The following PDE4D variants were observed in gnomAD, a reference collection of about 807,000 sequenced individuals.
The protein encoded by PDE4D is phosphodiesterase 4D, also known as 3',5'-cyclic-AMP phosphodiesterase 4D.
Under a neutral mutation model 87.4 loss-of-function variants are expected in PDE4D, and 24 were observed. The ratio of observed to expected loss-of-function variants is 0.27; its 90% CI spans 0.20 to 0.39. PDE4D has a LOEUF of 0.39. Ranked by LOEUF, PDE4D falls within the 10% of genes least tolerant of loss-of-function variation. The pLI is 1.00. For synonymous variants in PDE4D, 384 were observed against 383.2 expected (o/e 1.00, Z -0.02); for missense variants, 714 against 1,041.0 (o/e 0.69, Z 4.32).
At chr5:59,712,135 T>C (rs931593716) in intron 1 of PDE4D, among the ~76,000 whole-genome samples, 39 of 151,990 alleles carry the variant, frequency 2.6e-4, no homozygotes, top group African/African-American at 8.9e-4. Context: ...CGTTTTAGAG[T>C]ATATAAACTG....
intron 1 of PDE4D, among the ~76,000 whole-genome samples, chr5:59,547,113 T>C (rs536241135): frequency 6.6e-6 from 1 of 152,190 alleles, no homozygotes; most frequent in Non-Finnish European, 1.5e-5. Flanking sequence ...TTAATAAATA[T>C]ATTATCTAAT....
chr5:59,723,839 T>C (rs1451092616), intron 1 of PDE4D, among the ~76,000 whole-genome samples: 1 of 152,198 alleles, frequency 6.6e-6, no homozygotes, highest in Non-Finnish European at 1.5e-5. Context: ...AAGCCACTGG[T>C]TAACTTTTCT....
chr5:59,819,788 AGAG>A (rs1331325033), intron 1 of PDE4D, among the ~76,000 whole-genome samples: 1 of 152,176 alleles, frequency 6.6e-6, no homozygotes, highest in African/African-American at 2.4e-5. Flanking sequence ...ATTAAGTGGG[AGAG>A]GAGGTGGTAA....
chr5:60,265,672 A>C (rs549643868), intron 1 of PDE4D, among the ~76,000 whole-genome samples: 4 of 152,086 alleles, frequency 2.6e-5, no homozygotes, highest in Non-Finnish European at 4.4e-5. Context: ...GACTAGAAAA[A>C]ACCCTTTTTC....
At chr5:60,468,283 T>C (rs1747544560) in intron 1 of PDE4D, among the ~76,000 whole-genome samples, 1 of 143,546 alleles carries the variant, frequency 7.0e-6, no homozygotes, top group Non-Finnish European at 1.6e-5. Context: ...GAACCACAGG[T>C]GAGTGCCACC....
chr5:59,108,333 T>A (rs971838257), intron 5 of PDE4D, among the ~76,000 whole-genome samples: 4 of 152,198 alleles, frequency 2.6e-5, no homozygotes, highest in African/African-American at 9.6e-5. Flanking sequence ...TTCTTCTTTT[T>A]ACAAATAAAA....
intron 1 of PDE4D, among the ~76,000 whole-genome samples, chr5:60,316,869 T>C (rs970848044): frequency 6.6e-6 from 1 of 152,116 alleles, no homozygotes; most frequent in African/African-American, 2.4e-5. Flanking sequence ...GCTTTTGATG[T>C]GCTGCTGGAT....
intron 5 of PDE4D, among the ~76,000 whole-genome samples, chr5:59,117,595 T>G (rs1773814207): frequency 6.6e-6 from 1 of 152,202 alleles, no homozygotes; most frequent in South Asian, 2.1e-4. Context: ...CTCTTCTTCT[T>G]TGTAGTACTT....
At chr5:59,955,799 C>T (rs1161272361) in intron 3 of PDE4D, among the ~76,000 whole-genome samples, 1 of 152,108 alleles carries the variant, frequency 6.6e-6, no homozygotes, top group Non-Finnish European at 1.5e-5. Flanking sequence ...CTTCGGTCTT[C>T]TTTCAATCAG....
rs761015142 is a variant in PDE4D at position 59,277,785 on chromosome 5, G to GTC, written c.456-61819_456-61818dup. On this transcript the variant is annotated intron_variant, in intron 1 of 14. Coordinates refer to ENST00000340635, the MANE Select transcript of PDE4D (RefSeq NM_001104631.2). ...TTAGCCTGATGCTACTCCCTTCTCT[G>GTC]TCACACACACACAAGTTTAGTGCAG... Among the ~76,000 whole-genome samples, 26 of 152,156 alleles carry GTC rather than the reference G, an allele frequency of 1.7e-4. 1 individual carries two copies. Among genetic ancestry groups the GTC allele is most frequent in the Admixed American group, 6.6e-5 (1 of 15,258 alleles).
intron 1 of PDE4D, among the ~76,000 whole-genome samples, chr5:59,434,548 G>C (rs899005182): frequency 6.6e-6 from 1 of 151,940 alleles, no homozygotes; most frequent in African/African-American, 2.4e-5. Context: ...CAATGAATTG[G>C]CTTTAAATAT....
At chr5:59,320,307 T>C (rs897439983) in intron 1 of PDE4D, among the ~76,000 whole-genome samples, 11 of 152,066 alleles carry the variant, frequency 7.2e-5, no homozygotes, top group Non-Finnish European at 7.4e-5. Context: ...TAACTTAGAA[T>C]AGTGCCTGGC....
Position 60,068,453 on chromosome 5 carries a change from A to AT in PDE4D, c.43-79737dup, listed in dbSNP as rs774845938. ...ATTTATTTATTTTTCTCTCTCTTTT[A>AT]TTTTAACTAATAACCTGAAGGGGTT... On this transcript the variant is annotated intron_variant, in intron 2 of 16. Transcript: ENST00000502484. 4.6e-4 allele frequency among the ~76,000 whole-genome samples: 70 copies of AT among 151,150 alleles called. No individual in the cohort carries two copies. In the South Asian group the frequency reaches 9.4e-3, roughly 20 times the overall value.
At chr5:59,430,763 A>G (rs1364324820) in intron 1 of PDE4D, among the ~76,000 whole-genome samples, 1 of 152,092 alleles carries the variant, frequency 6.6e-6, no homozygotes, top group Admixed American at 6.6e-5. Flanking sequence ...GGTTTTATCC[A>G]TTTTTGTCTA....
At chr5:59,343,784 C>A (rs147347733) in intron 1 of PDE4D, among the ~76,000 whole-genome samples, 277 of 152,248 alleles carry the variant, frequency 1.8e-3, no homozygotes, top group African/African-American at 6.5e-3. Flanking sequence ...TTGTAATATA[C>A]AGTCCATACA....
At chr5:59,391,300 G>C (rs1788191657) in intron 1 of PDE4D, among the ~76,000 whole-genome samples, 1 of 152,110 alleles carries the variant, frequency 6.6e-6, no homozygotes, top group Non-Finnish European at 1.5e-5. Flanking sequence ...TCCTATGATA[G>C]AACAAATTAT....
At chr5:59,108,056 TG>T (rs1252007005) in intron 5 of PDE4D, among the ~76,000 whole-genome samples, 2 of 152,220 alleles carry the variant, frequency 1.3e-5, no homozygotes, top group African/African-American at 4.8e-5. Flanking sequence ...ACTGCCCGGC[TG>T]AGCCCAGCAC....
intron 5 of PDE4D, among the ~76,000 whole-genome samples, chr5:59,102,085 T>C (rs1204327459): frequency 1.4e-5 from 2 of 146,842 alleles, no homozygotes; most frequent in African/African-American, 5.0e-5. Flanking sequence ...TCCCTACTTT[T>C]TTTTTTTTTT....
intron 3 of PDE4D, among the ~76,000 whole-genome samples, chr5:59,950,083 A>G (rs1000928377): frequency 2.6e-5 from 4 of 152,230 alleles, no homozygotes; most frequent in African/African-American, 9.6e-5. Context: ...GTCTGATGGT[A>G]TCTATCCTAA....
Sources: allele counts gnomAD v4.1 joint callset (sites outside exome capture counted in the v4.1 genomes callset), GRCh38; gene constraint gnomAD v4.1.1; transcripts MANE v1.5; gene names NCBI Gene and HGNC (gene_info 2026-07-23, HGNC 2026-07-21).